NFAM1: variants seen among roughly 807,000 people sequenced by gnomAD.
NFAM1 encodes NFAT activation molecule 1.
Under a neutral mutation model 29.0 loss-of-function variants are expected in NFAM1, and 17 were observed. The observed-to-expected ratio is 0.59, with a 90% CI of 0.40 to 0.88. NFAM1 has a LOEUF of 0.88. Among genes scored for constraint, NFAM1 ranks in the 40% least tolerant of loss-of-function variants. The pLI, the probability that NFAM1 is intolerant of heterozygous loss-of-function variation, is 0.00. For missense variants in NFAM1, 324 were observed against 344.6 expected, an observed-to-expected ratio of 0.94 and a Z score of 0.47; for synonymous variants, 175 against 147.2, an observed-to-expected ratio of 1.19 and a Z score of -1.36.
chr22:42,432,177 G>C, intron 1 of NFAM1, 60 bp downstream of exon 1: 1 of 1,463,654 alleles, frequency 6.8e-7, no homozygotes, highest in East Asian at 2.4e-5. Flanking sequence ...CGGGCGGGAT[G>C]AAAGCCGCTC....
At chr22:42,422,199 C>T (rs943801123) in intron 1 of NFAM1, among the ~76,000 whole-genome samples, 13 of 152,272 alleles carry the variant, frequency 8.5e-5, no homozygotes, top group African/African-American at 1.7e-4. Context: ...CCAGGGTGTA[C>T]GGTGGCCGCT....
intron 1 of NFAM1, among the ~76,000 whole-genome samples, chr22:42,420,627 A>G (rs752745050): frequency 5.3e-5 from 8 of 151,730 alleles, no homozygotes; most frequent in African/African-American, 9.7e-5. Flanking sequence ...TTAGCCGGGT[A>G]TGGTGGCAGG....
chr22:42,388,276 A>T lies in NFAM1; in HGVS notation c.664-1198T>A, dbSNP rs1205091461. Among the ~76,000 whole-genome samples, 1 of 152,252 alleles carries T rather than the reference A, an allele frequency of 6.6e-6. No individual in the cohort carries two copies. The highest frequency in any genetic ancestry group is 1.5e-5 in the Non-Finnish European group (1 of 68,038). On this transcript the variant is annotated intron_variant, in intron 4 of 5. Coordinates refer to ENST00000329021, the MANE Select transcript of NFAM1 (RefSeq NM_145912.8). This position sits in a 1 kb window ranked among gnomAD's most constrained non-coding sequence, Gnocchi z 4.1. ...CAGTTTCCACGTCTGTAAAATGGGA[A>T]TAATCACATCTATTTTGCAGGTTCA...
chr22:42,392,553 A>G (rs1379456259), intron 4 of NFAM1, among the ~76,000 whole-genome samples: 1 of 152,090 alleles, frequency 6.6e-6, no homozygotes, highest in Non-Finnish European at 1.5e-5. Context: ...AACGGCAGGG[A>G]GCTGGAGGGG....
chr22:42,400,474 C>T (rs918266278), intron 3 of NFAM1, among the ~76,000 whole-genome samples: 1 of 152,056 alleles, frequency 6.6e-6, no homozygotes, highest in Non-Finnish European at 1.5e-5. Context: ...AAAAATTAGC[C>T]ATGTGTGGTG....
At chr22:42,430,281 C>T (rs572871670) in intron 1 of NFAM1, among the ~76,000 whole-genome samples, 127 of 133,710 alleles carry the variant, frequency 9.5e-4, no homozygotes, top group African/African-American at 3.2e-3. Flanking sequence ...AAAAACAGGA[C>T]GGGCACAGTG....
At chr22:42,434,877 C>T (rs1043235088), upstream of NFAM1, among the ~76,000 whole-genome samples, 2 of 152,220 alleles carry the variant, frequency 1.3e-5, no homozygotes, top group East Asian at 3.8e-4. Context: ...TTTGCCCAGA[C>T]CTCCGTCCAT....
intron 1 of NFAM1, among the ~76,000 whole-genome samples, chr22:42,431,829 A>G (rs1176622838): frequency 7.0e-6 from 1 of 142,872 alleles, no homozygotes; most frequent in Non-Finnish European, 1.5e-5. Flanking sequence ...AACAACCCAG[A>G]GGGTAGCCCC....
chr22:42,427,404 C>T (rs1396829742), intron 1 of NFAM1, among the ~76,000 whole-genome samples: 4 of 152,184 alleles, frequency 2.6e-5, no homozygotes, highest in Non-Finnish European at 4.4e-5. Flanking sequence ...CCAGGCGCCC[C>T]TCCTGTGGCA....
chr22:42,413,773 G>A (rs1170529622), intron 1 of NFAM1, among the ~76,000 whole-genome samples: 1 of 152,114 alleles, frequency 6.6e-6, no homozygotes, highest in African/African-American at 2.4e-5. Flanking sequence ...CAAAAATTTG[G>A]CCAGGGCTGT....
intron 3 of NFAM1, among the ~76,000 whole-genome samples, chr22:42,405,041 C>G (rs1488919564): frequency 2.6e-5 from 4 of 152,060 alleles, no homozygotes; most frequent in African/African-American, 9.7e-5. Flanking sequence ...GCAGACATTC[C>G]TGGAAGCACA....
intron 3 of NFAM1, among the ~76,000 whole-genome samples, chr22:42,401,490 G>A (rs535389922): frequency 1.3e-5 from 2 of 152,082 alleles, no homozygotes; most frequent in South Asian, 2.1e-4. Context: ...GAGGAGGCAG[G>A]ATCTCCAGGA....
intron 1 of NFAM1, among the ~76,000 whole-genome samples, chr22:42,431,805 T>G (rs914571211): frequency 1.1e-5 from 1 of 87,176 alleles, no homozygotes; most frequent in African/African-American, 4.9e-5. Flanking sequence ...CCGCTCTCCC[T>G]GGCCAATGCC....
At chr22:42,425,712 T>C (rs1206087729) in intron 1 of NFAM1, among the ~76,000 whole-genome samples, 2 of 152,198 alleles carry the variant, frequency 1.3e-5, no homozygotes, top group African/African-American at 4.8e-5. Flanking sequence ...TTCCCTCCTC[T>C]TCCCCTCCAC....
At position 42,411,265 on chromosome 22, in the gene NFAM1, C is replaced by A. The variant is rs1930077592; in HGVS notation, c.451+142G>T. 2.3e-5 allele frequency: 15 copies of A among 643,628 alleles called. No homozygotes were observed. The Admixed American group carries it at 3.9e-4, about 17-fold the overall frequency. 39.9% of individuals were successfully genotyped at this position (643,628 alleles called of 1,614,324 possible). On this transcript the variant is annotated intron_variant, in intron 2 of 5. Transcript: ENST00000329021. Reference sequence around the variant, plus strand: ...TCTCGAATCCCTGACCTCAGGTGATCCACCCGCCTCAGCCTCCCAAAGTGC... The same window carrying A: ...TCTCGAATCCCTGACCTCAGGTGATACACCCGCCTCAGCCTCCCAAAGTGC...
At chr22:42,416,938 G>A (rs1250624181) in intron 1 of NFAM1, among the ~76,000 whole-genome samples, 1 of 152,022 alleles carries the variant, frequency 6.6e-6, no homozygotes, top group Non-Finnish European at 1.5e-5. Context: ...GATACCAGAC[G>A]CCGGGGGCTG....
intron 2 of NFAM1, chr22:42,410,377 T>C (rs1930040479): frequency 2.8e-6 from 1 of 358,834 alleles, no homozygotes. Flanking sequence ...TGATGAAAAC[T>C]GGCTGGGTGT....
intron 1 of NFAM1, among the ~76,000 whole-genome samples, chr22:42,424,901 C>A (rs1930573566): frequency 7.4e-6 from 1 of 135,734 alleles, no homozygotes; most frequent in Non-Finnish European, 1.5e-5. Flanking sequence ...TCCTTTCTTT[C>A]TTTCTTTTCG....
intron 3 of NFAM1, among the ~76,000 whole-genome samples, chr22:42,399,217 C>G (rs993094624): frequency 2.6e-5 from 4 of 151,620 alleles, no homozygotes; most frequent in African/African-American, 9.7e-5. Flanking sequence ...GAGGCCGAGT[C>G]GGGTGGATCA....
Sources: allele counts gnomAD v4.1 joint callset (sites outside exome capture counted in the v4.1 genomes callset), GRCh38; gene constraint gnomAD v4.1.1; non-coding constraint Gnocchi (gnomAD v3.1); transcripts MANE v1.5; gene names NCBI Gene and HGNC (gene_info 2026-07-23, HGNC 2026-07-21).